The following RBFOX3 variants were observed in gnomAD, a reference collection of about 807,000 sequenced individuals.
The protein encoded by RBFOX3 is RNA binding protein fox-1 homolog 3.
A neutral mutation model predicts 48.7 loss-of-function variants in RBFOX3; 17 were observed. The observed-to-expected ratio is 0.35, with a 90% CI of 0.24 to 0.52. RBFOX3 has a LOEUF of 0.52. Ranked by LOEUF, RBFOX3 falls within the 20% of genes least tolerant of loss-of-function variation. The pLI, the probability that RBFOX3 is intolerant of heterozygous loss-of-function variation, is 0.94. For missense variants in RBFOX3, 382 were observed against 497.5 expected (o/e 0.77, Z 2.21); for synonymous variants, 212 against 209.5 (o/e 1.01, Z -0.10).
intron 12 of RBFOX3, among the ~76,000 whole-genome samples, 156 bp downstream of exon 12, chr17:79,096,497 A>C (rs1027989237): frequency 6.6e-6 from 1 of 151,614 alleles, no homozygotes; most frequent in Non-Finnish European, 1.5e-5. Context: ...CAGGGATGCC[A>C]TACTCTGGGC....
Position 79,205,248 on chromosome 17 carries a change from A to G in RBFOX3, c.-34+30518T>C, listed in dbSNP as rs2057335405. ...AGGCAGGAGGATACATGGTTAGAGC[A>G]GACACTGATACCTGTGAAATGAAAA... On this transcript the variant is annotated intron_variant, in intron 4 of 14. Coordinates refer to ENST00000693108, the MANE Select transcript of RBFOX3 (RefSeq NM_001350451.2). The surrounding 1 kb of genome is among the most constrained non-coding windows in gnomAD (Gnocchi z 4.5). Among the ~76,000 whole-genome samples the G allele has an allele frequency of 2.6e-5, 4 of 152,184 alleles. No individual in the cohort carries two copies.
intron 2 of RBFOX3, among the ~76,000 whole-genome samples, chr17:79,463,225 CGCCACT>C (rs1273200134): frequency 1.6e-5 from 2 of 122,118 alleles, no homozygotes; most frequent in Non-Finnish European, 3.7e-5. Flanking sequence ...CCACTGCCAT[CGCCACT>C]GCCACTGCCA....
chr17:79,245,539 CCCCCT>C (rs1567908266), intron 3 of RBFOX3, among the ~76,000 whole-genome samples: 2 of 148,506 alleles, frequency 1.3e-5, no homozygotes, highest in South Asian at 2.1e-4. Flanking sequence ...CCACCGCTCA[CCCCCT>C]CAGTCCTTTG....
At position 79,243,575 on chromosome 17, in the gene RBFOX3, C is replaced by T. The variant is rs2062713842; in HGVS notation, c.-73-7770G>A. On this transcript the variant is annotated intron_variant, in intron 3 of 14. Coordinates refer to ENST00000693108, the MANE Select transcript of RBFOX3 (RefSeq NM_001350451.2). This position sits in a 1 kb window ranked among gnomAD's most constrained non-coding sequence, Gnocchi z 7.9. ...TGTCTGGTGGGATGAGGTCTGCAGG[C>T]ACCTGGCTGCCCTCAGGTGGGAGGG... is the stretch of plus-strand genomic sequence containing the variant. Among the ~76,000 whole-genome samples, 1 of 152,240 alleles carries T rather than the reference C, an allele frequency of 6.6e-6. No individual in the cohort carries two copies. Among genetic ancestry groups the T allele is most frequent in the African/African-American group, 2.4e-5 (1 of 41,542 alleles).
rs1442625832 is a variant in RBFOX3, at chr17:79,485,976, T to C, written c.-319-3378A>G. Among the ~76,000 whole-genome samples, 4 of 152,230 alleles carry C rather than the reference T, an allele frequency of 2.6e-5. No homozygotes were observed. The East Asian group carries it at 7.7e-4, about 29-fold the overall frequency. On this transcript the variant is annotated intron_variant, in intron 1 of 14. Transcript: ENST00000693108. ...AGTGGGAAACACCATCCATCATCCA[T>C]AGCGCAGAACACGGGCCTATGGCCC...
At position 79,591,301 on chromosome 17, in the gene RBFOX3, G is replaced by A. The variant is rs920849747; in HGVS notation, c.-320+19525C>T. On this transcript the variant is annotated intron_variant, in intron 1 of 14. Transcript: ENST00000693108. ...CTGCTGGAATGAGCCCACCTGCCTC[G>A]GGGGCTTCCTTCATCTCAAAACTCA... Among the ~76,000 whole-genome samples the A allele has an allele frequency of 1.2e-3, 180 of 152,222 alleles. 3 individuals are homozygous for A. In the South Asian group the frequency reaches 0.019, roughly 16 times the overall value.
chr17:79,367,286 CCCT>C (rs1018789532), intron 2 of RBFOX3, among the ~76,000 whole-genome samples: 16 of 143,842 alleles, frequency 1.1e-4, no homozygotes, highest in African/African-American at 3.9e-4. Context: ...CTCCTCCTCC[CCCT>C]CCTCCTCCCT....
At chr17:79,261,946 G>A (rs569047248) in intron 3 of RBFOX3, among the ~76,000 whole-genome samples, 28 of 152,304 alleles carry the variant, frequency 1.8e-4, no homozygotes, top group African/African-American at 6.3e-4. Context: ...GGGGGGAGGC[G>A]TACGAACACC....
At chr17:79,424,318 G>C (rs1460739996) in intron 2 of RBFOX3, among the ~76,000 whole-genome samples, 2 of 152,174 alleles carry the variant, frequency 1.3e-5, no homozygotes, top group East Asian at 3.9e-4. Flanking sequence ...CTCTCCCTCG[G>C]CACTGACCAG....
At chr17:79,464,816 C>T (rs1004865929) in intron 2 of RBFOX3, among the ~76,000 whole-genome samples, 1 of 152,258 alleles carries the variant, frequency 6.6e-6, no homozygotes, top group Non-Finnish European at 1.5e-5. Flanking sequence ...CCAGCCCCAG[C>T]CGCTCAGATG....
chr17:79,168,333 A>G (rs2048443222), intron 4 of RBFOX3, among the ~76,000 whole-genome samples: 1 of 152,276 alleles, frequency 6.6e-6, no homozygotes, highest in South Asian at 2.1e-4. Flanking sequence ...TGAATAGCAC[A>G]ATTGCATGGC....
rs1338835010 is a variant in RBFOX3, at chr17:79,473,826, GCACACACACACACT to G, written c.-175+8614_-175+8627del. ...CTCCATTTTTCTCCTCCTCCTAAAAGCACACACACACACTCACACACACACACACGCAGAACTAA... is the reference window on the plus strand; with the variant it reads ...CTCCATTTTTCTCCTCCTCCTAAAAGCACACACACACACACGCAGAACTAA... On this transcript the variant is annotated intron_variant, in intron 2 of 14. Coordinates refer to ENST00000693108, the MANE Select transcript of RBFOX3 (RefSeq NM_001350451.2). The surrounding 1 kb of genome is among the most constrained non-coding windows in gnomAD (Gnocchi z 4.2). Among the ~76,000 whole-genome samples the G allele has an allele frequency of 2.0e-5, 3 of 151,694 alleles. No individual in the cohort carries two copies. Among genetic ancestry groups the G allele is most frequent in the Non-Finnish European group, 4.4e-5 (3 of 67,914 alleles).
intron 2 of RBFOX3, among the ~76,000 whole-genome samples, chr17:79,410,330 G>A (rs535155218): frequency 2.0e-5 from 3 of 152,322 alleles, no homozygotes; most frequent in African/African-American, 4.8e-5. Context: ...TCGTCTCCGT[G>A]CATCATTCTG....
chr17:79,497,078 C>T (rs2081641869), intron 1 of RBFOX3, among the ~76,000 whole-genome samples: 1 of 152,152 alleles, frequency 6.6e-6, no homozygotes, highest in Admixed American at 6.5e-5. Flanking sequence ...TGAGAGCCCT[C>T]CTAAGGTGGA....
rs115510949 is a variant in RBFOX3 at position 79,447,481 on chromosome 17, C to T, written c.-175+34973G>A. ...GACTTGCCTGTGATAGCCTGTGACC[C>T]GTCTGTCTATTGTGTACGGTGATAC... On this transcript the variant is annotated intron_variant, in intron 2 of 14. Coordinates refer to ENST00000693108, the MANE Select transcript of RBFOX3 (RefSeq NM_001350451.2). Among the ~76,000 whole-genome samples, 1,216 of 152,262 alleles carry T rather than the reference C, an allele frequency of 8.0e-3. 22 individuals carry two copies. Among genetic ancestry groups the T allele is most frequent in the African/African-American group, 0.028 (1,148 of 41,534 alleles).
At chr17:79,572,965 T>C (rs1227819801) in intron 1 of RBFOX3, among the ~76,000 whole-genome samples, 3 of 151,644 alleles carry the variant, frequency 2.0e-5, no homozygotes, top group Admixed American at 1.3e-4. Context: ...AAAACAATTA[T>C]AGGATAAGTA....
chr17:79,511,965 A>G (rs1599000902), intron 1 of RBFOX3, among the ~76,000 whole-genome samples: 17 of 138,540 alleles, frequency 1.2e-4, no homozygotes, highest in Admixed American at 2.1e-4. Context: ...GCCAGGGGAC[A>G]CCCACCCGGA....
chr17:79,150,393 GC>G (rs549959207), intron 4 of RBFOX3, among the ~76,000 whole-genome samples: 107 of 152,176 alleles, frequency 7.0e-4, no homozygotes, highest in African/African-American at 2.4e-3. Context: ...TCTGCAGGCG[GC>G]CAACCCCCTA....
At chr17:79,165,893 G>A (rs1352620727) in intron 4 of RBFOX3, among the ~76,000 whole-genome samples, 1 of 152,240 alleles carries the variant, frequency 6.6e-6, no homozygotes, top group Non-Finnish European at 1.5e-5. Flanking sequence ...CATTCTGCCT[G>A]CAGCAGGGCT....
Sources: allele counts gnomAD v4.1 joint callset (sites outside exome capture counted in the v4.1 genomes callset), GRCh38; gene constraint gnomAD v4.1.1; non-coding constraint Gnocchi (gnomAD v3.1); transcripts MANE v1.5; gene names NCBI Gene and HGNC (gene_info 2026-07-23, HGNC 2026-07-21).